TRIOBP: variants seen among roughly 807,000 people sequenced by gnomAD.
TRIOBP encodes the protein TRIO and F-actin-binding protein.
Under a neutral mutation model 238.8 loss-of-function variants are expected in TRIOBP, and 169 were observed. The observed-to-expected ratio is 0.71, with a 90% CI of 0.62 to 0.80. TRIOBP has a LOEUF of 0.80. Among genes scored for constraint, TRIOBP ranks in the 30% least tolerant of loss-of-function variants. TRIOBP has a pLI of 0.00. For missense variants in TRIOBP, 2,838 were observed against 3,122.6 expected (o/e 0.91, Z 2.17); for synonymous variants, 1,150 against 1,274.4 (o/e 0.90, Z 2.08).
chr22:37,751,848 A>T lies in TRIOBP; in HGVS notation c.5379+20A>T. On this transcript the variant is annotated intron_variant, in intron 12 of 23. Transcript: ENST00000644935. ...GGAGAGGTAAGAGGACTGAGGCCGG[A>T]GGGGAGGAAGCTGGCTTGTGCTGCT... The T allele has an allele frequency of 6.9e-7, 1 of 1,446,784 alleles. No individual in the cohort carries two copies. Among genetic ancestry groups the T allele is most frequent in the Non-Finnish European group, 9.3e-7 (1 of 1,078,250 alleles). 89.6% of individuals were successfully genotyped at this position (1,446,784 alleles called of 1,614,324 possible). A position where few individuals can be genotyped will look rare whatever the true frequency, so the allele number is the denominator to read the frequency against.
intron 3 of TRIOBP, among the ~76,000 whole-genome samples, chr22:37,702,777 G>A (rs1366805099): frequency 1.3e-5 from 2 of 151,254 alleles, no homozygotes; most frequent in Admixed American, 6.6e-5. Context: ...GGCCTCCTGA[G>A]TAGCAGGGAC....
rs1404638187 is a variant in TRIOBP at position 37,725,382 on chromosome 22, C to A, written c.2826C>A (p.Thr942=). The change falls in exon 7 of 24, where the codon ACC becomes ACA. Residue 942 remains threonine, a synonymous_variant. Coordinates refer to ENST00000644935, the MANE Select transcript of TRIOBP (RefSeq NM_001039141.3). ...VPWASIALRP[T]QGDRPQTSSP... ...GGGCATCCATCGCCCTCCGGCCAAC[C>A]CAAGGTGACAGGCCTCAGACATCCT... 1 of 1,612,144 alleles carries A rather than the reference C, an allele frequency of 6.2e-7. No individual in the cohort carries two copies. Among genetic ancestry groups the A allele is most frequent in the Non-Finnish European group, 8.5e-7 (1 of 1,178,702 alleles).
At chr22:37,714,538 G>A (rs1923421052) in intron 5 of TRIOBP, among the ~76,000 whole-genome samples, 1 of 152,076 alleles carries the variant, frequency 6.6e-6, no homozygotes, top group African/African-American at 2.4e-5. Flanking sequence ...GTGTGGTGGT[G>A]GGCACCTGTA....
At chr22:37,709,975 G>A (rs1044114952) in intron 3 of TRIOBP, among the ~76,000 whole-genome samples, 5 of 151,970 alleles carry the variant, frequency 3.3e-5, no homozygotes, top group Non-Finnish European at 7.4e-5. Flanking sequence ...CTTCCTCCTC[G>A]CCCTTGTCTT....
chr22:37,749,281 G>C (rs1487791365), intron 11 of TRIOBP, among the ~76,000 whole-genome samples: 4 of 152,126 alleles, frequency 2.6e-5, no homozygotes, highest in Admixed American at 2.6e-4. Flanking sequence ...CTTCAACCCG[G>C]GAGGTGGAGG....
intron 11 of TRIOBP, chr22:37,751,026 A>G (rs1925565555): frequency 5.2e-6 from 2 of 381,052 alleles, no homozygotes; most frequent in Admixed American, 6.9e-5. Flanking sequence ...CCCAGCAGGA[A>G]GGGAGGGTCT....
chr22:37,751,008 G>A (rs1925563365), intron 11 of TRIOBP: 2 of 374,546 alleles, frequency 5.3e-6, no homozygotes, highest in Non-Finnish European at 1.1e-5. Flanking sequence ...TTAGATGAGA[G>A]AGGTCTCCCC....
chr22:37,721,959 G>A (rs538614236), intron 6 of TRIOBP, among the ~76,000 whole-genome samples: 1 of 152,276 alleles, frequency 6.6e-6, no homozygotes, highest in African/African-American at 2.4e-5. Flanking sequence ...TGCAAAGAGG[G>A]TCACTACTGA....
intron 3 of TRIOBP, among the ~76,000 whole-genome samples, chr22:37,706,840 C>A (rs1922966661): frequency 1.3e-5 from 2 of 151,740 alleles, no homozygotes; most frequent in Admixed American, 6.6e-5. Flanking sequence ...TCCAGTTGCT[C>A]TGATGATGAT....
At chr22:37,771,801 A>G in intron 22 of TRIOBP, 65 bp downstream of exon 22, 1 of 1,448,466 alleles carries the variant, frequency 6.9e-7, no homozygotes, top group Non-Finnish European at 9.7e-7. Flanking sequence ...CCATCCTGTG[A>G]GCACCTGCTC....
In TRIOBP at chr22:37,774,882, G is replaced by C. The variant is rs550743401; in HGVS notation, c.*1102G>C. Reference sequence around the variant, plus strand: ...TGGGGCTAAGACTAGCCCTGACCATGACCTTGGGCAAGTCACACCCCTCAC... The same window carrying C: ...TGGGGCTAAGACTAGCCCTGACCATCACCTTGGGCAAGTCACACCCCTCAC... On this transcript the variant is annotated 3_prime_UTR_variant, in exon 24 of 24. Coordinates refer to ENST00000644935, the MANE Select transcript of TRIOBP (RefSeq NM_001039141.3). The C allele has an allele frequency of 1.9e-4, 29 of 152,356 alleles. No individual in the cohort carries two copies. The East Asian group carries it at 5.6e-3, about 29-fold the overall frequency. The allele number at this position is 152,356 out of a possible 1,614,324, so 9.4% of individuals were successfully genotyped here.
intron 2 of TRIOBP, among the ~76,000 whole-genome samples, chr22:37,697,993 T>G (rs1922436873): frequency 6.7e-6 from 1 of 149,894 alleles, no homozygotes; most frequent in Non-Finnish European, 1.5e-5. Flanking sequence ...AGGTCAGGAG[T>G]TCGAGACCAG....
intron 6 of TRIOBP, among the ~76,000 whole-genome samples, chr22:37,720,817 G>A (rs950418726): frequency 2.0e-5 from 3 of 151,858 alleles, no homozygotes; most frequent in Non-Finnish European, 4.4e-5. Flanking sequence ...GGCATGAAAC[G>A]TATTTTAGAA....
chr22:37,711,866 G>C (rs1923267247), intron 4 of TRIOBP, among the ~76,000 whole-genome samples: 1 of 152,090 alleles, frequency 6.6e-6, no homozygotes, highest in Non-Finnish European at 1.5e-5. Context: ...TGGGGATACT[G>C]CCAGCGCTAA....
At position 37,768,083 on chromosome 22, in the gene TRIOBP, C is replaced by G. The variant is rs1168768042; in HGVS notation, c.6482C>G (p.Ala2161Gly). Residue 2161 changes from alanine (A) to glycine (G), a missense_variant, in exon 19 of 24, where the codon GCC becomes GGC. This residue lies in a region of TRIOBP where 2,096 missense variants were observed against 2,137.4 expected (regional missense o/e 0.98). Transcript: ENST00000644935. ...ETAATASAIE[A>G]MKKAYQEELS... ...TCTGCCCTGCTTCCAGCCATTGAAG[C>G]CATGAAGAAGGCCTACCAGGAAGAG... is the stretch of plus-strand genomic sequence containing the variant. 1.2e-6 allele frequency: 2 copies of G among 1,612,248 alleles called. No individual in the cohort carries two copies. Among genetic ancestry groups the G allele is most frequent in the Non-Finnish European group, 1.7e-6 (2 of 1,179,260 alleles).
intron 7 of TRIOBP, among the ~76,000 whole-genome samples, chr22:37,731,604 G>A (rs1381470756): frequency 6.6e-6 from 1 of 151,950 alleles, no homozygotes; most frequent in Non-Finnish European, 1.5e-5. Context: ...TTACAGGCAC[G>A]TGCCACCACG....
At chr22:37,713,145 T>C in intron 4 of TRIOBP, 65 bp from the exon 5 acceptor site, 1 of 1,450,560 alleles carries the variant, frequency 6.9e-7, no homozygotes, top group South Asian at 1.2e-5. Context: ...TGAGTGCATA[T>C]GCCTGGGTGG....
intron 11 of TRIOBP, among the ~76,000 whole-genome samples, chr22:37,741,605 TTC>T (rs961721788): frequency 6.6e-6 from 1 of 152,228 alleles, no homozygotes; most frequent in African/African-American, 2.4e-5. Context: ...ATGGGGTCTC[TTC>T]TCTCTTTGAG....
intron 8 of TRIOBP, 75 bp from the exon 9 acceptor site, chr22:37,734,324 G>A: frequency 3.0e-6 from 4 of 1,352,400 alleles, no homozygotes; most frequent in Admixed American, 1.8e-5. Context: ...GACTCTCTGG[G>A]GGCCTAAGAA....
Sources: gnomAD v4.1 joint callset for allele counts (sites outside exome capture counted in the v4.1 genomes callset) on GRCh38, gnomAD v4.1.1 for gene constraint, gnomAD v4.1.1 regional missense constraint, MANE v1.5 for transcripts, NCBI Gene and HGNC (gene_info 2026-07-23, HGNC 2026-07-21) for gene names.